The following GTF2IRD1 variants were observed in gnomAD, a reference collection of about 807,000 sequenced individuals.
The protein encoded by GTF2IRD1 is GTF2I repeat domain containing 1.
A neutral mutation model predicts 113.2 loss-of-function variants in GTF2IRD1; 26 were observed. That is an observed-to-expected ratio of 0.23 (90% CI 0.17 to 0.32). The LOEUF (loss-of-function observed/expected upper bound fraction) is 0.32, where lower values mean the gene tolerates loss of function less well. Ranked by LOEUF, GTF2IRD1 falls within the 10% of genes least tolerant of loss-of-function variation. GTF2IRD1 has a pLI of 1.00. For missense variants in GTF2IRD1, 864 were observed against 1,280.8 expected, an observed-to-expected ratio of 0.67 and a Z score of 4.97; for synonymous variants, 484 against 529.1, an observed-to-expected ratio of 0.91 and a Z score of 1.17.
intron 6 of GTF2IRD1, among the ~76,000 whole-genome samples, chr7:74,520,653 T>TG (rs1225607668): frequency 1.1e-4 from 16 of 150,424 alleles, no homozygotes; most frequent in African/African-American, 3.4e-4. Context: ...ATTAAAGCGC[T>TG]GGGTCTTGCC....
At position 74,511,049 on chromosome 7, in the gene GTF2IRD1, A is replaced by T. The variant is rs973276045; in HGVS notation, c.124-1781A>T. 1.4e-4 allele frequency among the ~76,000 whole-genome samples: 19 copies of T among 140,732 alleles called. No individual in the cohort carries two copies. In the East Asian group the frequency reaches 3.0e-3, roughly 22 times the overall value. 92.3% of individuals were successfully genotyped at this position (140,732 alleles called of 152,430 possible). On this transcript the variant is annotated intron_variant, in intron 2 of 26. Coordinates refer to ENST00000424337, the MANE Select transcript of GTF2IRD1 (RefSeq NM_005685.4). ...AGGTGACAGAGCAAGACTTTGTCTC[A>T]AAAAAAAAAAAAAAAAGTTCTACTT...
chr7:74,539,748 C>CAAAAAAAA (rs879998108), intron 13 of GTF2IRD1, 131 bp from the exon 14 acceptor site: 1 of 435,024 alleles, frequency 2.3e-6, no homozygotes, highest in Non-Finnish European at 4.1e-6. Flanking sequence ...CATCTCAAAC[C>CAAAAAAAA]AAAAAAAAAA....
At chr7:74,483,024 G>A (rs1191169172) in intron 1 of GTF2IRD1, among the ~76,000 whole-genome samples, 4 of 152,212 alleles carry the variant, frequency 2.6e-5, no homozygotes, top group African/African-American at 4.8e-5. Context: ...TTTGCAATCA[G>A]CGTAGCTGTT....
Position 74,505,536 on chromosome 7 carries a change from C to G in GTF2IRD1, c.-6-2539C>G, listed in dbSNP as rs1378685482. On this transcript the variant is annotated intron_variant, in intron 1 of 26. Transcript: ENST00000424337. ...TCCCTCCTGGAGTCCCTGGTTCCTT[C>G]CTAAACGGATTAGAGCCTTTACCGG... Among the ~76,000 whole-genome samples the G allele has an allele frequency of 4.6e-5, 7 of 152,340 alleles. 1 individual carries two copies. Among genetic ancestry groups the G allele is most frequent in the African/African-American group, 1.7e-4 (7 of 41,580 alleles).
chr7:74,515,981 G>A (rs781877638), intron 4 of GTF2IRD1, among the ~76,000 whole-genome samples: 31 of 152,098 alleles, frequency 2.0e-4, no homozygotes, highest in Non-Finnish European at 1.6e-4. Context: ...AGCCTTCGGG[G>A]GCTCCCCATC....
chr7:74,527,801 G>T (rs149166810), intron 8 of GTF2IRD1, among the ~76,000 whole-genome samples: 5 of 151,622 alleles, frequency 3.3e-5, no homozygotes, highest in African/African-American at 1.2e-4. Flanking sequence ...AGATTGTGCC[G>T]CTGCACTCCA....
intron 1 of GTF2IRD1, among the ~76,000 whole-genome samples, chr7:74,463,643 G>A (rs1793516812): frequency 6.6e-6 from 1 of 152,140 alleles, no homozygotes; most frequent in Admixed American, 6.5e-5. Context: ...GGCCCCAGGG[G>A]CCACCAAGGA....
intron 25 of GTF2IRD1, among the ~76,000 whole-genome samples, chr7:74,597,646 C>T (rs1160919440): frequency 6.6e-6 from 1 of 152,032 alleles, no homozygotes; most frequent in Non-Finnish European, 1.5e-5. Flanking sequence ...TGTGCCTGGC[C>T]GAGACCCCGT....
At chr7:74,478,135 C>T (rs925651175) in intron 1 of GTF2IRD1, among the ~76,000 whole-genome samples, 12 of 152,222 alleles carry the variant, frequency 7.9e-5, no homozygotes, top group African/African-American at 2.4e-4. Context: ...ACCAAATGCC[C>T]GGGTTCCCTG....
At chr7:74,476,923 T>G (rs1479412559) in intron 1 of GTF2IRD1, among the ~76,000 whole-genome samples, 1 of 152,090 alleles carries the variant, frequency 6.6e-6, no homozygotes, top group Non-Finnish European at 1.5e-5. Flanking sequence ...GTGGTGAAAA[T>G]GAGCACTTAG....
At chr7:74,554,989 A>C (rs1554356247) in intron 17 of GTF2IRD1, among the ~76,000 whole-genome samples, 185 bp from the exon 18 acceptor site, 1 of 152,050 alleles carries the variant, frequency 6.6e-6, no homozygotes, top group Non-Finnish European at 1.5e-5. Flanking sequence ...TCCCAGCTGG[A>C]TCCTTCAAGC....
chr7:74,559,722 C>T, intron 22 of GTF2IRD1, 67 bp downstream of exon 22: 2 of 1,341,934 alleles, frequency 1.5e-6, no homozygotes. Context: ...GGGACTGGAG[C>T]TAAGCCTGCT....
chr7:74,564,804 C>T (rs141290028), intron 22 of GTF2IRD1, among the ~76,000 whole-genome samples: 23 of 152,226 alleles, frequency 1.5e-4, no homozygotes, highest in African/African-American at 4.8e-4. Flanking sequence ...CAGCTGAGGA[C>T]ATCACGTTTG....
Position 74,559,719 on chromosome 7 carries a change from G to A in GTF2IRD1, c.2320+64G>A. ...GGCCCGATCGTGGTGCTGGGGACTG[G>A]AGCTAAGCCTGCTGTGGGGCACAGG... On this transcript the variant is annotated intron_variant, in intron 22 of 26. Coordinates refer to ENST00000424337, the MANE Select transcript of GTF2IRD1 (RefSeq NM_005685.4). 10 of 1,367,114 alleles carry A rather than the reference G, an allele frequency of 7.3e-6. No homozygotes were observed. In the Admixed American group the frequency reaches 2.2e-4, roughly 30 times the overall value. 84.7% of individuals were successfully genotyped at this position (1,367,114 alleles called of 1,614,324 possible). A position where few individuals can be genotyped will look rare whatever the true frequency, so the allele number is the denominator to read the frequency against.
At chr7:74,559,772 C>T in intron 22 of GTF2IRD1, 117 bp downstream of exon 22, 1 of 782,376 alleles carries the variant, frequency 1.3e-6, no homozygotes, top group South Asian at 2.3e-5. Context: ...AGAAGCCAGG[C>T]CCCTGCCTTT....
chr7:74,494,615 A>C (rs1432022344), intron 1 of GTF2IRD1, among the ~76,000 whole-genome samples: 1 of 152,182 alleles, frequency 6.6e-6, no homozygotes, highest in East Asian at 1.9e-4. Context: ...GAGAAGTATT[A>C]AGAACTTATT....
intron 1 of GTF2IRD1, among the ~76,000 whole-genome samples, chr7:74,485,620 G>GAA (rs200613636): frequency 2.2e-5 from 3 of 133,520 alleles, no homozygotes; most frequent in East Asian, 2.2e-4. Context: ...CCATCTCAAA[G>GAA]AAAAAAAAAA....
At chr7:74,561,026 C>T (rs1799927416) in intron 22 of GTF2IRD1, among the ~76,000 whole-genome samples, 1 of 152,128 alleles carries the variant, frequency 6.6e-6, no homozygotes, top group Non-Finnish European at 1.5e-5. Context: ...GGCGACATGC[C>T]ACTTGGCAAG....
At chr7:74,499,633 C>A (rs1022264615) in intron 1 of GTF2IRD1, among the ~76,000 whole-genome samples, 2 of 150,484 alleles carry the variant, frequency 1.3e-5, no homozygotes, top group Admixed American at 6.6e-5. Context: ...CAAAGGAATG[C>A]ATGCACACAC....
Sources: gnomAD v4.1 joint callset for allele counts (sites outside exome capture counted in the v4.1 genomes callset) on GRCh38, gnomAD v4.1.1 for gene constraint, MANE v1.5 for transcripts, NCBI Gene and HGNC (gene_info 2026-07-23, HGNC 2026-07-21) for gene names.